The following ATP2B4 variants were observed in gnomAD, a reference collection of about 807,000 sequenced individuals.
ATP2B4 encodes the protein plasma membrane calcium-transporting ATPase 4.
A neutral mutation model predicts 110.3 loss-of-function variants in ATP2B4; 39 were observed. The ratio of observed to expected loss-of-function variants is 0.35; its 90% CI spans 0.27 to 0.46. The LOEUF (loss-of-function observed/expected upper bound fraction) is 0.46. Among genes scored for constraint, ATP2B4 ranks in the 20% least tolerant of loss-of-function variants. The pLI, the probability that ATP2B4 is intolerant of heterozygous loss-of-function variation, is 1.00. For synonymous variants in ATP2B4, 538 were observed against 571.7 expected (o/e 0.94, Z 0.84); for missense variants, 1,135 against 1,530.9 (o/e 0.74, Z 4.32).
Position 203,651,884 on chromosome 1 carries a change from C to A in ATP2B4, c.-465+24665C>A, listed in dbSNP as rs552552029. On this transcript the variant is annotated intron_variant, in intron 1 of 20. Transcript: ENST00000357681. ...ACCAGTTTGGCCAACATGGTGAAAC[C>A]CCGTCTCTACTAAAAATAAAAAAAA... Among the ~76,000 whole-genome samples, 282 of 151,296 alleles carry A rather than the reference C, an allele frequency of 1.9e-3. 2 individuals are homozygous for A. Among genetic ancestry groups the A allele is most frequent in the African/African-American group, 6.8e-3 (279 of 41,292 alleles).
At chr1:203,676,912 G>C (rs80318228) in intron 1 of ATP2B4, among the ~76,000 whole-genome samples, 1 of 152,182 alleles carries the variant, frequency 6.6e-6, no homozygotes, top group African/African-American at 2.4e-5. Flanking sequence ...TTTACAAGAG[G>C]TAGATATTTC....
chr1:203,704,157 T>C (rs1665777824), intron 8 of ATP2B4, among the ~76,000 whole-genome samples: 1 of 152,178 alleles, frequency 6.6e-6, no homozygotes, highest in South Asian at 2.1e-4. Context: ...GGGTTGTAAA[T>C]TCCTTAAAGA....
chr1:203,639,961 A>T (rs955125523), intron 1 of ATP2B4, among the ~76,000 whole-genome samples: 4 of 152,160 alleles, frequency 2.6e-5, no homozygotes, highest in Admixed American at 6.5e-5. Context: ...ATAAAGGATA[A>T]AGGAGTGGAT....
chr1:203,724,865 C>CTCTTTTTTTTTTTTTTTTTTTTTTTT lies in ATP2B4; in HGVS notation c.3132+878_3132+879insCTTTTTTTTTTTTTTTTTTTTTTTTT, dbSNP rs1214526316. 3.9e-5 allele frequency among the ~76,000 whole-genome samples: 4 copies of CTCTTTTTTTTTTTTTTTTTTTTTTTT among 101,454 alleles called. 1 individual carries two copies. Among genetic ancestry groups the CTCTTTTTTTTTTTTTTTTTTTTTTTT allele is most frequent in the Non-Finnish European group, 1.9e-5 (1 of 53,392 alleles). 66.6% of individuals were successfully genotyped at this position (101,454 alleles called of 152,430 possible). On this transcript the variant is annotated intron_variant, in intron 19 of 20. Transcript: ENST00000357681. ...ACTGCCTGGGTTTGAATCCAGCTCT[C>CTCTTTTTTTTTTTTTTTTTTTTTTTT]TGTTTTTTTTTTTTTTTTTTTTTTT... is the stretch of plus-strand genomic sequence containing the variant.
intron 19 of ATP2B4, among the ~76,000 whole-genome samples, chr1:203,725,257 C>G (rs1262544007): frequency 6.6e-6 from 1 of 151,988 alleles, no homozygotes; most frequent in Non-Finnish European, 1.5e-5. Context: ...AAGCAATTCT[C>G]CTGCCTCAGC....
At chr1:203,670,398 C>G (rs1266364496) in intron 1 of ATP2B4, among the ~76,000 whole-genome samples, 1 of 152,200 alleles carries the variant, frequency 6.6e-6, no homozygotes, top group African/African-American at 2.4e-5. Context: ...AGACTGGTCT[C>G]TAACTCCTGA....
chr1:203,729,480 G>A (rs1235978354), intron 20 of ATP2B4: 2 of 373,270 alleles, frequency 5.4e-6, no homozygotes, highest in Admixed American at 6.9e-5. Flanking sequence ...GGAAGGCTGA[G>A]GTTGCAGTGA....
intron 1 of ATP2B4, 101 bp downstream of exon 1, chr1:203,627,320 T>A (rs1663119396): frequency 6.6e-6 from 1 of 152,254 alleles, no homozygotes; most frequent in Non-Finnish European, 1.5e-5. Flanking sequence ...CTTTCTAGAA[T>A]ATTTCATGCG....
chr1:203,728,709 T>C (rs1175751257), intron 20 of ATP2B4, among the ~76,000 whole-genome samples: 1 of 151,848 alleles, frequency 6.6e-6, no homozygotes, highest in Non-Finnish European at 1.5e-5. Context: ...AATCCAAAAT[T>C]AGCCGGGCGT....
chr1:203,679,736 G>T (rs968640159), intron 1 of ATP2B4, among the ~76,000 whole-genome samples: 1 of 152,080 alleles, frequency 6.6e-6, no homozygotes, highest in African/African-American at 2.4e-5. Context: ...ACAAAAATTA[G>T]CTGGGCATGG....
chr1:203,645,983 C>G (rs949838208), intron 1 of ATP2B4, among the ~76,000 whole-genome samples: 1 of 151,376 alleles, frequency 6.6e-6, no homozygotes, highest in Non-Finnish European at 1.5e-5. Flanking sequence ...CACCACGTTT[C>G]GAGGAGGGCT....
intron 1 of ATP2B4, among the ~76,000 whole-genome samples, chr1:203,655,383 C>T (rs1248156077): frequency 2.0e-5 from 3 of 152,064 alleles, no homozygotes; most frequent in South Asian, 2.1e-4. Flanking sequence ...CGGTGGCTCA[C>T]GTCTGTAATC....
chr1:203,709,366 C>T lies in ATP2B4; in HGVS notation c.1623C>T (p.Gly541=). 6.2e-7 allele frequency: 1 copy of T among 1,614,190 alleles called. No individual in the cohort carries two copies. The highest frequency in any genetic ancestry group is 1.3e-5 in the African/African-American group (1 of 75,050). Residue 541 remains glycine (G), a synonymous_variant, in exon 11 of 21, where the codon GGC becomes GGT. Transcript: ENST00000357681. ...ACAAGACCGAGTGTGCTCTGCTAGG[C>T]TTTGTCACAGATCTGAAGCAGGATT... ...VGNKTECALL[G]FVTDLKQDYQ...
At chr1:203,635,096 T>G (rs1325192695) in intron 1 of ATP2B4, among the ~76,000 whole-genome samples, 21 of 152,202 alleles carry the variant, frequency 1.4e-4, no homozygotes. Context: ...TGCCTCAGCC[T>G]CCTGAGTAGC....
intron 1 of ATP2B4, among the ~76,000 whole-genome samples, chr1:203,661,143 G>A (rs958473569): frequency 6.6e-6 from 1 of 151,922 alleles, no homozygotes; most frequent in Admixed American, 6.6e-5. Flanking sequence ...GGTCAAATGG[G>A]TAGTGATCTG....
intron 1 of ATP2B4, among the ~76,000 whole-genome samples, chr1:203,658,608 A>G (rs1330712864): frequency 6.6e-6 from 1 of 152,222 alleles, no homozygotes; most frequent in African/African-American, 2.4e-5. Context: ...AGTGAAATCT[A>G]AATATTGATG....
chr1:203,658,929 A>G (rs551782504), intron 1 of ATP2B4, among the ~76,000 whole-genome samples: 6 of 151,916 alleles, frequency 3.9e-5, no homozygotes, highest in Non-Finnish European at 8.8e-5. Flanking sequence ...GCTTGAACCC[A>G]GGAGGTGGAG....
chr1:203,709,710 T>G (rs1430435792), intron 11 of ATP2B4, among the ~76,000 whole-genome samples, 168 bp downstream of exon 11: 1 of 152,208 alleles, frequency 6.6e-6, no homozygotes, highest in African/African-American at 2.4e-5. Context: ...TTTAAGTGCT[T>G]AAGGTGGCTT....
intron 1 of ATP2B4, among the ~76,000 whole-genome samples, chr1:203,661,802 G>A (rs1157217692): frequency 6.6e-6 from 1 of 151,872 alleles, no homozygotes; most frequent in Non-Finnish European, 1.5e-5. Context: ...TGTCTGTGGT[G>A]ACTGACCTGT....
Sources: gnomAD v4.1 joint callset for allele counts (sites outside exome capture counted in the v4.1 genomes callset) on GRCh38, gnomAD v4.1.1 for gene constraint, MANE v1.5 for transcripts, NCBI Gene and HGNC (gene_info 2026-07-23, HGNC 2026-07-21) for gene names.